The following RBM10 variants were observed in gnomAD, a reference collection of about 807,000 sequenced individuals.
The protein encoded by RBM10 is RNA binding motif protein 10.
Under a neutral mutation model 84.9 loss-of-function variants are expected in RBM10, and 1 was observed. The ratio of observed to expected loss-of-function variants is 0.01; its 90% confidence interval spans 0.00 to 0.06. RBM10 has a LOEUF of 0.06. Ranked by LOEUF, RBM10 falls within the 10% of genes least tolerant of loss-of-function variation. RBM10 has a pLI of 1.00. For missense variants in RBM10, 438 were observed against 839.0 expected (o/e 0.52, Z 5.90); for synonymous variants, 326 against 344.5 (o/e 0.95, Z 0.60).
At chrX:47,154,096 G>T (rs1487921978) in intron 2 of RBM10, among the ~76,000 whole-genome samples, 1 of 111,329 alleles carries the variant, frequency 9.0e-6, no homozygotes, top group African/African-American at 3.3e-5. Context: ...GCTGGTTTTT[G>T]ATTACCATTT....
intron 1 of RBM10, 98 bp from the exon 2 acceptor site, chrX:47,147,259 G>T (rs1205141299): frequency 4.5e-6 from 4 of 884,995 alleles, no homozygotes; most frequent in Non-Finnish European, 6.4e-6. Flanking sequence ...ATGTCCCTGG[G>T]CTAAGGGGCA....
intron 2 of RBM10, among the ~76,000 whole-genome samples, chrX:47,168,646 C>T (rs971090415): frequency 1.8e-5 from 2 of 111,484 alleles, no homozygotes; most frequent in Non-Finnish European, 3.8e-5. Context: ...CTGCTAGTGT[C>T]GGCAAGGTGA....
chrX:47,185,812 G>A (rs781836768), intron 21 of RBM10, 22 bp downstream of exon 21: 10 of 1,205,667 alleles, frequency 8.3e-6, no homozygotes, highest in Middle Eastern at 2.3e-4. Flanking sequence ...CCTGACCCTG[G>A]GCTCCCTCCC....
At chrX:47,184,976 G>T (rs1400649819) in intron 17 of RBM10, 79 bp from the exon 18 acceptor site, 1 of 1,095,984 alleles carries the variant, frequency 9.1e-7, no homozygotes, top group South Asian at 2.0e-5. Flanking sequence ...GAGGATGCAG[G>T]GCAGTGGGTC....
chrX:47,180,148 G>T (rs1177292899), intron 10 of RBM10, 64 bp from the exon 11 acceptor site: 1 of 1,177,195 alleles, frequency 8.5e-7, no homozygotes, highest in Non-Finnish European at 1.1e-6. Context: ...CTGGAAATCG[G>T]GCAATGGAGC....
chrX:47,182,130 C>A (rs1556780144), intron 16 of RBM10, 32 bp from the exon 17 acceptor site: 1 of 1,211,675 alleles, frequency 8.3e-7, no homozygotes, highest in Admixed American at 2.2e-5. Context: ...AAGGTCTTCC[C>A]TCACATCCCC....
chrX:47,152,157 A>G (rs1187143216), intron 2 of RBM10, among the ~76,000 whole-genome samples: 1 of 112,182 alleles, frequency 8.9e-6, no homozygotes, highest in Non-Finnish European at 1.9e-5. Context: ...GGTTGCAATA[A>G]GCTGAGATCG....
At chrX:47,146,201 C>T (rs1285021330) in intron 1 of RBM10, among the ~76,000 whole-genome samples, 8 of 110,722 alleles carry the variant, frequency 7.2e-5, no homozygotes, top group South Asian at 7.7e-4. Flanking sequence ...ATTTGGGGCT[C>T]GTGTCTGTGA....
chrX:47,174,688 TTC>T (rs1934990236), intron 5 of RBM10, among the ~76,000 whole-genome samples: 1 of 110,379 alleles, frequency 9.1e-6, no homozygotes, highest in South Asian at 3.9e-4. Context: ...TCCCAGCTGC[TTC>T]TCTCCGTCTC....
intron 2 of RBM10, among the ~76,000 whole-genome samples, chrX:47,149,055 C>A (rs1421497555): frequency 9.2e-6 from 1 of 108,595 alleles, no homozygotes; most frequent in East Asian, 2.9e-4. Flanking sequence ...CATATAGATA[C>A]ATTTTCATAG....
chrX:47,164,655 T>TGTGCAA (rs1319872314), intron 2 of RBM10, among the ~76,000 whole-genome samples: 3 of 112,087 alleles, frequency 2.7e-5, no homozygotes, highest in African/African-American at 9.7e-5. Flanking sequence ...TTGGAACCCT[T>TGTGCAA]GTGCAACACT....
intron 10 of RBM10, 73 bp from the exon 11 acceptor site, chrX:47,180,139 T>G: frequency 8.4e-7 from 1 of 1,183,644 alleles, no homozygotes; most frequent in Non-Finnish European, 1.1e-6. Context: ...GCTGCCAGCC[T>G]GGAAATCGGG....
chrX:47,173,212 T>C lies in RBM10; in HGVS notation c.502+15T>C. 1.7e-6 allele frequency: 2 copies of C among 1,211,611 alleles called. No individual in the cohort carries two copies. The highest frequency in any genetic ancestry group is 3.5e-5 in the South Asian group (2 of 56,829). ...CAAATCTTCAGGTGAGCTTTTGTTC[T>C]AGTGCCCTCCCCTTCAAGTGGCCAG... is the stretch of plus-strand genomic sequence containing the variant. On this transcript the variant is annotated intron_variant, in intron 5 of 23. Transcript: ENST00000377604.
At chrX:47,176,728 C>CTG (rs1556776476) in intron 7 of RBM10, 142 bp downstream of exon 7, 1 of 1,007,811 alleles carries the variant, frequency 9.9e-7, no homozygotes, top group Admixed American at 2.7e-5. Flanking sequence ...CTCTCTCTCT[C>CTG]TCTCTCTCTC....
chrX:47,155,576 CA>C (rs1933039354), intron 2 of RBM10, among the ~76,000 whole-genome samples: 1 of 106,088 alleles, frequency 9.4e-6, no homozygotes. Flanking sequence ...ACTAAAAATA[CA>C]AAAAAATTAG....
intron 4 of RBM10, among the ~76,000 whole-genome samples, chrX:47,172,566 T>C (rs1934751832): frequency 2.7e-5 from 3 of 112,405 alleles, no homozygotes; most frequent in East Asian, 5.6e-4. Flanking sequence ...GGACTACATC[T>C]TTTTGCTTTT....
intron 1 of RBM10, 136 bp downstream of exon 1, chrX:47,145,621 GTTTTTTTTTTTTTGGTTTTTTTTTT>G (rs1304359441): frequency 2.7e-5 from 5 of 187,515 alleles, no homozygotes; most frequent in East Asian, 2.1e-4. Flanking sequence ...ACCCGGGAGG[GTTTTTTTTTTTTTGGTTTTTTTTTT>G]TTTTTTTTTT....
chrX:47,176,448 G>T (rs373413131), intron 6 of RBM10, 52 bp from the exon 7 acceptor site: 44 of 1,205,837 alleles, frequency 3.6e-5, no homozygotes, highest in Non-Finnish European at 4.8e-5. Context: ...TGCTGAAACG[G>T]TGCGTGGGGC....
At chrX:47,161,992 G>A (rs1933740799) in intron 2 of RBM10, among the ~76,000 whole-genome samples, 1 of 110,705 alleles carries the variant, frequency 9.0e-6, no homozygotes. Context: ...ACAGGCACGC[G>A]TTACCACACC....
Sources: gnomAD v4.1 joint callset for allele counts (sites outside exome capture counted in the v4.1 genomes callset) on GRCh38, gnomAD v4.1.1 for gene constraint, MANE v1.5 for transcripts, NCBI Gene and HGNC (gene_info 2026-07-23, HGNC 2026-07-21) for gene names.